Variants in JMY observed in about 807,000 individuals in gnomAD.
JMY encodes junction-mediating and -regulatory protein.
A neutral mutation model predicts 103.3 loss-of-function variants in JMY; 46 were observed. The ratio of observed to expected loss-of-function variants is 0.45; its 90% CI spans 0.35 to 0.57. The LOEUF is 0.57. Ranked by LOEUF, JMY falls within the 20% of genes least tolerant of loss-of-function variation. The probability of loss-of-function intolerance (pLI) is 0.00; values close to 1 mark genes in which losing one functional copy is unlikely to be tolerated. For synonymous variants in JMY, 526 were observed against 489.3 expected (o/e 1.07, Z -0.99); for missense variants, 1,238 against 1,255.2 (o/e 0.99, Z 0.21).
intron 2 of JMY, among the ~76,000 whole-genome samples, chr5:79,283,289 G>A (rs1183268693): frequency 6.6e-6 from 1 of 152,018 alleles, no homozygotes; most frequent in Non-Finnish European, 1.5e-5. Flanking sequence ...GCACCCAGCC[G>A]TCAACAGAGA....
rs183581198 is a variant in JMY at position 79,288,210 on chromosome 5, T to C, written c.1207-1911T>C. 8.5e-5 allele frequency among the ~76,000 whole-genome samples: 13 copies of C among 152,324 alleles called. No individual in the cohort carries two copies. The East Asian group carries it at 2.5e-3, about 29-fold the overall frequency. ...ACAACCTCATATGATAACAACCTAC[T>C]TTCCTAGTATCTCTCATTACTTTCA... On this transcript the variant is annotated intron_variant, in intron 2 of 10. Coordinates refer to ENST00000396137, the MANE Select transcript of JMY (RefSeq NM_152405.5).
intron 4 of JMY, among the ~76,000 whole-genome samples, chr5:79,294,425 T>A: frequency 6.6e-6 from 1 of 151,880 alleles, no homozygotes; most frequent in East Asian, 1.9e-4. Context: ...TAAAATTAAA[T>A]TAAAATGAAA....
intron 4 of JMY, among the ~76,000 whole-genome samples, chr5:79,296,506 T>C (rs1012744143): frequency 7.9e-5 from 12 of 152,180 alleles, no homozygotes; most frequent in African/African-American, 1.9e-4. Flanking sequence ...AAAAAAGATA[T>C]AGCCTTGCCC....
intron 1 of JMY, among the ~76,000 whole-genome samples, chr5:79,267,020 T>C (rs1381168562): frequency 1.3e-5 from 2 of 152,208 alleles, no homozygotes; most frequent in Non-Finnish European, 2.9e-5. Context: ...GACTTGAGTT[T>C]TTACATCAGT....
At chr5:79,321,194 A>C (rs1476375648) in intron 10 of JMY, among the ~76,000 whole-genome samples, 1 of 152,182 alleles carries the variant, frequency 6.6e-6, no homozygotes, top group Non-Finnish European at 1.5e-5. Context: ...TAAGCACAAC[A>C]CTTTTCAATA....
chr5:79,298,773 T>G lies in JMY; in HGVS notation c.1528-1380T>G, dbSNP rs189484192. ...CTGGAGCCTAACCATTGCTTTTCAG[T>G]TCAAAATTCTTGTGAAAGGGATTTG... is the stretch of plus-strand genomic sequence containing the variant. On this transcript the variant is annotated intron_variant, in intron 4 of 10. Transcript: ENST00000396137. 2.9e-3 allele frequency among the ~76,000 whole-genome samples: 440 copies of G among 152,360 alleles called. 7 individuals carry two copies. Among genetic ancestry groups the G allele is most frequent in the Non-Finnish European group, 1.9e-3 (131 of 68,038 alleles).
At chr5:79,276,979 C>G (rs1458282783) in intron 1 of JMY, among the ~76,000 whole-genome samples, 1 of 152,078 alleles carries the variant, frequency 6.6e-6, no homozygotes, top group East Asian at 1.9e-4. Context: ...TCAAGCAATC[C>G]TCTTACTTTG....
intron 1 of JMY, among the ~76,000 whole-genome samples, chr5:79,261,299 G>T (rs1745415064): frequency 2.0e-5 from 3 of 151,970 alleles, no homozygotes. Flanking sequence ...TCACCCCCCT[G>T]CCCACCAGAC....
rs1416848402 is a variant in JMY, at chr5:79,293,331, AATTAACTGCTCT to A, written c.1527+2033_1527+2044del. Among the ~76,000 whole-genome samples the A allele has an allele frequency of 7.2e-4, 109 of 152,324 alleles. 2 individuals carry two copies. Among genetic ancestry groups the A allele is most frequent in the Admixed American group, 7.1e-3 (108 of 15,298 alleles). Reference sequence around the variant, plus strand: ...GGCAAAATTCTGTTTGACTTGAAAGAATTAACTGCTCTTAGGAGTTGATACTGTTCCTTTTAA... The same window carrying A: ...GGCAAAATTCTGTTTGACTTGAAAGATAGGAGTTGATACTGTTCCTTTTAA... On this transcript the variant is annotated intron_variant, in intron 4 of 10. Transcript: ENST00000396137.
In JMY at chr5:79,308,751, AT is replaced by A. The variant is rs150291102; in HGVS notation, c.1968+2294del. On this transcript the variant is annotated intron_variant, in intron 7 of 10. Transcript: ENST00000396137. ...TTTTTGCTTTTTAATTATTATGTTT[AT>A]TTTAGCCTCTACCGCCTTCTCCTAC... Among the ~76,000 whole-genome samples, 1,436 of 152,086 alleles carry A rather than the reference AT, an allele frequency of 9.4e-3. 13 individuals carry two copies. The highest frequency in any genetic ancestry group is 0.017 in the Non-Finnish European group (1,127 of 67,964).
intron 6 of JMY, among the ~76,000 whole-genome samples, chr5:79,301,953 C>G (rs913497144): frequency 6.6e-5 from 10 of 151,820 alleles, no homozygotes; most frequent in Non-Finnish European, 1.3e-4. Context: ...CATGGTGGCA[C>G]GCGCCTGTAA....
intron 1 of JMY, among the ~76,000 whole-genome samples, chr5:79,272,215 T>C (rs1310781043): frequency 6.6e-6 from 1 of 152,192 alleles, no homozygotes; most frequent in African/African-American, 2.4e-5. Flanking sequence ...AGGCTTCTTA[T>C]GCTTTACTGT....
chr5:79,291,102 T>C, intron 3 of JMY, 28 bp from the exon 4 acceptor site: 1 of 1,493,554 alleles, frequency 6.7e-7, no homozygotes, highest in Non-Finnish European at 9.0e-7. Flanking sequence ...TTATTTGTCT[T>C]AATTTCTCTT....
At chr5:79,321,106 A>AT (rs1338086676) in intron 10 of JMY, among the ~76,000 whole-genome samples, 8 of 152,216 alleles carry the variant, frequency 5.3e-5, no homozygotes, top group African/African-American at 1.9e-4. Context: ...TACTTTATTC[A>AT]TGTTCCTGTC....
intron 4 of JMY, among the ~76,000 whole-genome samples, chr5:79,296,140 T>C (rs182952180): frequency 1.4e-4 from 22 of 152,356 alleles, no homozygotes; most frequent in African/African-American, 4.8e-4. Context: ...ACAAGTGTTA[T>C]TAGTCCACTA....
At chr5:79,292,954 GTATCTATGTGTGGTGATGT>G (rs2112100250) in intron 4 of JMY, among the ~76,000 whole-genome samples, 1 of 152,256 alleles carries the variant, frequency 6.6e-6, no homozygotes, top group East Asian at 1.9e-4. Context: ...ATTGTGCTTT[GTATCTATGTGTGGTGATGT>G]ACCAATTTTA....
chr5:79,297,514 G>A (rs1746596753), intron 4 of JMY, among the ~76,000 whole-genome samples: 1 of 152,148 alleles, frequency 6.6e-6, no homozygotes, highest in Admixed American at 6.6e-5. Context: ...GGAGCAGGGT[G>A]CCCGCTCCAT....
chr5:79,267,664 C>G (rs899210540), intron 1 of JMY, among the ~76,000 whole-genome samples: 2 of 152,326 alleles, frequency 1.3e-5, no homozygotes, highest in South Asian at 2.1e-4. Flanking sequence ...ATCCTCTTAC[C>G]TTGCTCTCAC....
At position 79,237,031 on chromosome 5, in the gene JMY, G is replaced by C; in HGVS notation, c.381G>C (p.Arg127=). ...RSTRSLLGDP[R]LRSPGSKGAE... is the part of the protein sequence containing the mutation. ...CTCGCAGCCTTCTGGGGGACCCGCG[G>C]CTGCGGAGTCCTGGCAGCAAAGGGG... The change falls in exon 1 of 11, where the codon CGG becomes CGC. Residue 127 remains arginine (R), a synonymous_variant. Coordinates refer to ENST00000396137, the MANE Select transcript of JMY (RefSeq NM_152405.5). 2.7e-6 allele frequency: 4 copies of C among 1,506,946 alleles called. No individual in the cohort carries two copies. Among genetic ancestry groups the C allele is most frequent in the Non-Finnish European group, 3.6e-6 (4 of 1,125,580 alleles). The allele number at this position is 1,506,946 out of a possible 1,614,324, so 93.3% of individuals were successfully genotyped here.
Sources: allele counts gnomAD v4.1 joint callset (sites outside exome capture counted in the v4.1 genomes callset), GRCh38; gene constraint gnomAD v4.1.1; transcripts MANE v1.5; gene names NCBI Gene and HGNC (gene_info 2026-07-23, HGNC 2026-07-21).